Variants in HIP1R observed in about 807,000 individuals in gnomAD.
HIP1R encodes huntingtin-interacting protein 1-related protein.
In HIP1R, 135 loss-of-function variants were observed where a neutral mutation model predicts 144.2. The ratio of observed to expected loss-of-function variants is 0.94; its 90% CI spans 0.81 to 1.08. The LOEUF (loss-of-function observed/expected upper bound fraction) is 1.08, where lower values mean the gene tolerates loss of function less well. Ranked by LOEUF, HIP1R falls within the 50% of genes least tolerant of loss-of-function variation. HIP1R has a pLI of 0.00. For missense variants in HIP1R, 1,462 were observed against 1,432.8 expected (o/e 1.02, Z -0.33); for synonymous variants, 698 against 612.8 (o/e 1.14, Z -2.05).
intron 17 of HIP1R, 52 bp from the exon 18 acceptor site, chr12:122,856,969 G>T: frequency 6.6e-7 from 1 of 1,512,262 alleles, no homozygotes; most frequent in South Asian, 1.2e-5. Flanking sequence ...GGGCAGGGTG[G>T]GTGGGGCCTG....
At chr12:122,848,331 A>G in intron 2 of HIP1R, 135 bp from the exon 3 acceptor site, 1 of 1,146,992 alleles carries the variant, frequency 8.7e-7, no homozygotes, top group Non-Finnish European at 1.2e-6. Context: ...TGGACACTGG[A>G]GCTCTGGTGA....
At chr12:122,844,808 G>A (rs1365696869) in intron 1 of HIP1R, among the ~76,000 whole-genome samples, 1 of 152,190 alleles carries the variant, frequency 6.6e-6, no homozygotes, top group Non-Finnish European at 1.5e-5. Flanking sequence ...GCCCTGAAGG[G>A]GTGTCTCTGG....
chr12:122,845,125 CCA>C (rs1367071319), intron 1 of HIP1R, among the ~76,000 whole-genome samples: 1 of 152,232 alleles, frequency 6.6e-6, no homozygotes, highest in Non-Finnish European at 1.5e-5. Context: ...GTGGGTCTCA[CCA>C]CAGAGTGAGC....
chr12:122,859,719 A>G, intron 23 of HIP1R, 53 bp from the exon 24 acceptor site: 1 of 1,591,736 alleles, frequency 6.3e-7, no homozygotes, highest in Non-Finnish European at 8.6e-7. Flanking sequence ...TGGCTTTCCC[A>G]GGACCACGGT....
At chr12:122,851,164 AG>A in intron 6 of HIP1R, 71 bp from the exon 7 acceptor site, 1 of 1,329,342 alleles carries the variant, frequency 7.5e-7, no homozygotes, top group Non-Finnish European at 1.0e-6. Context: ...TCCCCACTGG[AG>A]GGGGCGTCTC....
At chr12:122,842,610 C>A (rs1051273538) in intron 1 of HIP1R, among the ~76,000 whole-genome samples, 1 of 152,218 alleles carries the variant, frequency 6.6e-6, no homozygotes, top group African/African-American at 2.4e-5. Flanking sequence ...GCCTCCTGGG[C>A]CACAGGGTGC....
intron 12 of HIP1R, 88 bp downstream of exon 12, chr12:122,855,700 C>T: frequency 6.6e-7 from 1 of 1,518,338 alleles, no homozygotes; most frequent in South Asian, 1.2e-5. Flanking sequence ...CTGGAAAGGC[C>T]ATAGGTGGGG....
chr12:122,850,272 G>A, intron 5 of HIP1R: 1 of 540,410 alleles, frequency 1.9e-6, no homozygotes, highest in East Asian at 4.6e-5. Context: ...ACTGCCCTCT[G>A]CCACCTATGT....
At chr12:122,859,388 G>GGA (rs2033695640) in intron 22 of HIP1R, 38 bp from the exon 23 acceptor site, 1 of 1,566,834 alleles carries the variant, frequency 6.4e-7, no homozygotes, top group Non-Finnish European at 8.8e-7. Context: ...GACGGGGGGG[G>GGA]ACGGAGGCTA....
At position 122,855,611 on chromosome 12, in the gene HIP1R, A is replaced by G. The variant is rs1182077351; in HGVS notation, c.1054A>G (p.Arg352Gly). 1.3e-6 allele frequency: 2 copies of G among 1,549,714 alleles called. No individual in the cohort carries two copies. The highest frequency in any genetic ancestry group is 1.7e-6 in the Non-Finnish European group (2 of 1,146,698). Residue 352 changes from arginine to glycine, a missense_variant and splice_region_variant, in exon 12 of 32, where the codon AGG (arginine) becomes GGG (glycine). Around this residue, in one of 2 missense-constraint regions of HIP1R, gnomAD observed 1,112 missense variants for 1,011.7 expected, o/e 1.10. Transcript: ENST00000253083. ...GPPNGSVKDD[R>G]DLQIESLKRE... is the part of the protein sequence containing the mutation. Reference sequence around the variant, plus strand: ...CCCCAATGGGTCTGTGAAGGACGACAGGTGAGGGCTGGAGGAGCCGACTGG... The same window carrying G: ...CCCCAATGGGTCTGTGAAGGACGACGGGTGAGGGCTGGAGGAGCCGACTGG...
chr12:122,856,551 A>G lies in HIP1R; in HGVS notation c.1518+3A>G. The G allele has an allele frequency of 6.2e-7, 1 of 1,601,104 alleles. No individual in the cohort carries two copies. Among genetic ancestry groups the G allele is most frequent in the Non-Finnish European group, 8.5e-7 (1 of 1,173,700 alleles). ...TGAAGCGGGAGTCGGAGTTGAAGGT[A>G]TGTCCCTTGTGGCACAGGGCCCTGC... On this transcript the variant is annotated splice_donor_region_variant and intron_variant, in intron 16 of 31. Coordinates refer to ENST00000253083, the MANE Select transcript of HIP1R (RefSeq NM_003959.3).
intron 1 of HIP1R, among the ~76,000 whole-genome samples, chr12:122,845,073 G>A (rs538324474): frequency 3.3e-5 from 5 of 152,352 alleles, no homozygotes; most frequent in South Asian, 2.1e-4. Context: ...GACCTGCCTC[G>A]GGACTGTAAG....
At chr12:122,860,304 G>A (rs2033730919) in intron 26 of HIP1R, 94 bp downstream of exon 26, 1 of 1,544,722 alleles carries the variant, frequency 6.5e-7, no homozygotes, top group Admixed American at 1.8e-5. Context: ...CCCTACCACA[G>A]GGAGGCCTCA....
chr12:122,849,684 T>C (rs1427832399), intron 4 of HIP1R, among the ~76,000 whole-genome samples, 191 bp from the exon 5 acceptor site: 1 of 152,248 alleles, frequency 6.6e-6, no homozygotes, highest in Non-Finnish European at 1.5e-5. Flanking sequence ...AAGAGTTTCT[T>C]TGGCAGGAAT....
intron 7 of HIP1R, among the ~76,000 whole-genome samples, chr12:122,852,638 C>CCT (rs1175180244): frequency 1.3e-5 from 2 of 152,230 alleles, no homozygotes; most frequent in Non-Finnish European, 2.9e-5. Flanking sequence ...GGCTTCCCTG[C>CCT]CTCAGGACCT....
At chr12:122,860,301 ACAGGGAGGCCT>A in intron 26 of HIP1R, 91 bp downstream of exon 26, 2 of 1,531,394 alleles carry the variant, frequency 1.3e-6, no homozygotes, top group Admixed American at 3.6e-5. Flanking sequence ...ACCCCCTACC[ACAGGGAGGCCT>A]CAGGGATGCG....
At chr12:122,835,080 T>TTCCCCC (rs2032830318), upstream of HIP1R, 1 of 1,015,724 alleles carries the variant, frequency 9.8e-7, no homozygotes, top group Non-Finnish European at 1.3e-6. Flanking sequence ...GAGGGAGGGG[T>TTCCCCC]TCCCCCTCCC....
Position 122,861,870 on chromosome 12 carries a change from T to C in HIP1R, c.*117T>C. 1.1e-6 allele frequency: 1 copy of C among 910,188 alleles called. No individual in the cohort carries two copies. Among genetic ancestry groups the C allele is most frequent in the South Asian group, 1.5e-5 (1 of 65,180 alleles). 56.4% of individuals were successfully genotyped at this position (910,188 alleles called of 1,614,324 possible). On this transcript the variant is annotated 3_prime_UTR_variant, in exon 32 of 32. Transcript: ENST00000253083. ...TGCCCAAGCCTCCCGCCCCACCGTCTGGATCAATGTCCTCAAGGCCCCTGG... is the reference window on the plus strand; with the variant it reads ...TGCCCAAGCCTCCCGCCCCACCGTCCGGATCAATGTCCTCAAGGCCCCTGG...
chr12:122,839,669 C>A (rs1204598943), intron 1 of HIP1R, among the ~76,000 whole-genome samples: 2 of 152,168 alleles, frequency 1.3e-5, no homozygotes, highest in Admixed American at 6.5e-5. Flanking sequence ...TGTCTAGTAA[C>A]TACTAGAAAA....
Sources: gnomAD v4.1 joint callset for allele counts (sites outside exome capture counted in the v4.1 genomes callset) on GRCh38, gnomAD v4.1.1 for gene constraint, gnomAD v4.1.1 regional missense constraint, MANE v1.5 for transcripts, NCBI Gene and HGNC (gene_info 2026-07-23, HGNC 2026-07-21) for gene names.